CBLB: variants seen among roughly 807,000 people sequenced by gnomAD.
CBLB encodes the protein Cbl proto-oncogene B.
Under a neutral mutation model 104.9 loss-of-function variants are expected in CBLB, and 31 were observed. The ratio of observed to expected loss-of-function variants is 0.30; its 90% CI spans 0.22 to 0.40. CBLB has a LOEUF of 0.40. Ranked by LOEUF, CBLB falls within the 10% of genes least tolerant of loss-of-function variation. The probability of loss-of-function intolerance (pLI) is 1.00; values close to 1 mark genes in which losing one functional copy is unlikely to be tolerated. For missense variants in CBLB, 1,062 were observed against 1,214.6 expected (o/e 0.87, Z 1.87); for synonymous variants, 440 against 422.6 (o/e 1.04, Z -0.51).
intron 3 of CBLB, among the ~76,000 whole-genome samples, chr3:105,814,785 G>A (rs1215013037): frequency 1.3e-5 from 2 of 151,964 alleles, no homozygotes; most frequent in African/African-American, 2.4e-5. Context: ...ACACACCTCT[G>A]GTCATGAAAA....
chr3:105,719,644 CATA>C (rs1349750458), intron 10 of CBLB, among the ~76,000 whole-genome samples: 10 of 152,146 alleles, frequency 6.6e-5, no homozygotes, highest in Non-Finnish European at 1.5e-4. Flanking sequence ...GTGTACAGTA[CATA>C]ATATGTGATA....
intron 3 of CBLB, among the ~76,000 whole-genome samples, chr3:105,835,202 G>A (rs774224067): frequency 6.6e-6 from 1 of 152,182 alleles, no homozygotes; most frequent in Non-Finnish European, 1.5e-5. Context: ...AGTTATGAAT[G>A]TATTTTCCTA....
intron 3 of CBLB, among the ~76,000 whole-genome samples, chr3:105,796,608 CT>C (rs1358898421): frequency 6.6e-6 from 1 of 152,148 alleles, no homozygotes; most frequent in Non-Finnish European, 1.5e-5. Context: ...AATTAAAGAG[CT>C]TCTGCACAGC....
At chr3:105,752,089 A>T (rs2076644039) in intron 4 of CBLB, among the ~76,000 whole-genome samples, 1 of 152,228 alleles carries the variant, frequency 6.6e-6, no homozygotes, top group Non-Finnish European at 1.5e-5. Flanking sequence ...CTAAGGTAGA[A>T]AGCCATCAAG....
Position 105,811,424 on chromosome 3 carries a change from G to C in CBLB, c.420-34882C>G, listed in dbSNP as rs545693726. ...CTCATGGCCTGGTGGCTTTGAGTAA[G>C]TCACGGAAACAAGTTTATAAACTTC... On this transcript the variant is annotated intron_variant, in intron 3 of 18. Coordinates refer to ENST00000394030, the MANE Select transcript of CBLB (RefSeq NM_170662.5). Among the ~76,000 whole-genome samples, 12 of 152,300 alleles carry C rather than the reference G, an allele frequency of 7.9e-5. No homozygotes were observed. The South Asian group carries it at 8.3e-4, about 11-fold the overall frequency.
At chr3:105,800,810 A>C (rs1275880081) in intron 3 of CBLB, among the ~76,000 whole-genome samples, 1 of 152,176 alleles carries the variant, frequency 6.6e-6, no homozygotes, top group Admixed American at 6.5e-5. Flanking sequence ...AGGAAGAAAG[A>C]AGGAACAAAG....
intron 4 of CBLB, among the ~76,000 whole-genome samples, chr3:105,774,552 G>A (rs547018630): frequency 2.7e-4 from 41 of 152,284 alleles, no homozygotes; most frequent in African/African-American, 9.6e-4. Flanking sequence ...AGACAAAAGT[G>A]AAAAGACTTG....
chr3:105,687,388 TAGAG>T (rs1202448040), intron 13 of CBLB, among the ~76,000 whole-genome samples: 1 of 152,104 alleles, frequency 6.6e-6, no homozygotes. Context: ...CCTTCATTGA[TAGAG>T]AATTTCTCGA....
intron 17 of CBLB, chr3:105,673,240 T>C (rs944061128): frequency 2.6e-5 from 4 of 152,096 alleles, no homozygotes; most frequent in African/African-American, 9.7e-5. Context: ...CGGCTAATTT[T>C]TGTATTTTTG....
At chr3:105,860,130 A>G (rs2091973918) in intron 2 of CBLB, among the ~76,000 whole-genome samples, 1 of 152,206 alleles carries the variant, frequency 6.6e-6, no homozygotes, top group Admixed American at 6.5e-5. Context: ...AACTTCCTTG[A>G]AAGTGAAGAA....
chr3:105,711,856 T>C (rs753811922), intron 10 of CBLB, among the ~76,000 whole-genome samples: 1 of 152,176 alleles, frequency 6.6e-6, no homozygotes, highest in East Asian at 1.9e-4. Context: ...TTACTGTCTA[T>C]GTTCCACTAG....
Position 105,661,925 on chromosome 3 carries a change from G to A in CBLB, c.2690-2696C>T, listed in dbSNP as rs191262705. The stretch of plus-strand genomic sequence containing the variant: ...AATGAATTAATATTTATAATGATAA[G>A]TGCTATACTCAAATGCTATAAACCA... On this transcript the variant is annotated intron_variant, in intron 18 of 18. Transcript: ENST00000394030. 2.0e-3 allele frequency among the ~76,000 whole-genome samples: 301 copies of A among 152,268 alleles called. 1 individual carries two copies. Among genetic ancestry groups the A allele is most frequent in the Non-Finnish European group, 2.4e-3 (162 of 68,024 alleles).
At chr3:105,725,165 T>C (rs967793636) in intron 9 of CBLB, among the ~76,000 whole-genome samples, 6 of 152,242 alleles carry the variant, frequency 3.9e-5, no homozygotes, top group African/African-American at 9.6e-5. Flanking sequence ...TTCGCTCTAA[T>C]TGAAAAGTTT....
intron 10 of CBLB, among the ~76,000 whole-genome samples, chr3:105,714,772 A>C (rs1037481609): frequency 6.6e-6 from 1 of 152,208 alleles, no homozygotes; most frequent in African/African-American, 2.4e-5. Flanking sequence ...GACGTTCTTC[A>C]CACTTATTAG....
chr3:105,859,676 A>C (rs1028207901), intron 2 of CBLB, among the ~76,000 whole-genome samples: 1 of 151,246 alleles, frequency 6.6e-6, no homozygotes, highest in Non-Finnish European at 1.5e-5. Flanking sequence ...AAAAAAAAAA[A>C]AAAAAAGAAA....
At chr3:105,669,141 A>C (rs542532648) in intron 18 of CBLB, among the ~76,000 whole-genome samples, 63 of 152,096 alleles carry the variant, frequency 4.1e-4, no homozygotes, top group African/African-American at 1.4e-3. Flanking sequence ...GCTGGGCACT[A>C]TGTTGGACAC....
chr3:105,838,097 TTC>T (rs1491583611), intron 3 of CBLB, among the ~76,000 whole-genome samples: 3 of 149,512 alleles, frequency 2.0e-5, no homozygotes, highest in Non-Finnish European at 4.4e-5. Context: ...TTTTTTTTTT[TTC>T]TGAGACACGT....
At chr3:105,746,709 T>C (rs2076133620) in intron 5 of CBLB, among the ~76,000 whole-genome samples, 1 of 152,210 alleles carries the variant, frequency 6.6e-6, no homozygotes, top group Non-Finnish European at 1.5e-5. Flanking sequence ...CTGTTAACTG[T>C]TAACAACTGC....
At chr3:105,839,777 T>G (rs1211340631) in intron 3 of CBLB, among the ~76,000 whole-genome samples, 1 of 152,248 alleles carries the variant, frequency 6.6e-6, no homozygotes, top group African/African-American at 2.4e-5. Context: ...GTTTGCCAAG[T>G]GTTGATATAA....
Sources: gnomAD v4.1 joint callset for allele counts (sites outside exome capture counted in the v4.1 genomes callset) on GRCh38, gnomAD v4.1.1 for gene constraint, MANE v1.5 for transcripts, NCBI Gene and HGNC (gene_info 2026-07-23, HGNC 2026-07-21) for gene names.